ESRRG: variants seen among roughly 807,000 people sequenced by gnomAD.
The protein encoded by ESRRG is estrogen related receptor gamma.
In ESRRG, 13 loss-of-function variants were observed where a neutral mutation model predicts 44.0. That is an observed-to-expected ratio of 0.30 (90% confidence interval 0.19 to 0.47). ESRRG has a LOEUF of 0.47. Among genes scored for constraint, ESRRG ranks in the 20% least tolerant of loss-of-function variants. ESRRG has a pLI of 1.00. For missense variants in ESRRG, 395 were observed against 580.6 expected, an observed-to-expected ratio of 0.68 and a Z score of 3.29; for synonymous variants, 215 against 214.6, an observed-to-expected ratio of 1.00 and a Z score of -0.02.
intron 2 of ESRRG, among the ~76,000 whole-genome samples, chr1:216,774,977 T>C (rs113850665): frequency 0.11 from 16,358 of 151,424 alleles, 1,187 homozygotes; most frequent in Non-Finnish European, 0.16. Context: ...ATTTTTTTTT[T>C]TTTTAATTTT....
At position 216,825,327 on chromosome 1, in the gene ESRRG, A is replaced by G. The variant is rs79148598; in HGVS notation, c.-14+114255T>C. 2.3e-3 allele frequency among the ~76,000 whole-genome samples: 354 copies of G among 152,336 alleles called. 2 individuals carry two copies. The highest frequency in any genetic ancestry group is 8.1e-3 in the African/African-American group (335 of 41,580). On this transcript the variant is annotated intron_variant, in intron 2 of 7. Coordinates refer to the ESRRG transcript ENST00000359162. ...AACTGAGCTCCATCACACATTGGTT[A>G]TACAGCTGAATATTGCTTAAATGTC...
chr1:216,695,066 G>A (rs1392186245), intron 1 of ESRRG, among the ~76,000 whole-genome samples: 3 of 152,066 alleles, frequency 2.0e-5, no homozygotes, highest in African/African-American at 7.2e-5. Flanking sequence ...AACTAAGATG[G>A]TGGAAAAGAG....
At chr1:216,720,479 A>T (rs574097196) in intron 1 of ESRRG, among the ~76,000 whole-genome samples, 2 of 152,134 alleles carry the variant, frequency 1.3e-5, no homozygotes, top group Non-Finnish European at 2.9e-5. Context: ...GTCTGTTCAG[A>T]GTTCTCAAAT....
rs193235517 is a variant in ESRRG, at chr1:216,925,361, C to T, written c.-14+14221G>A. On this transcript the variant is annotated intron_variant, in intron 2 of 7. Transcript: ENST00000359162. ...CTGAGGAAGGAAAATTGCCTGAACC[C>T]GGGAGGCGGAGGTTGCAGTGAGCTG... 3.3e-3 allele frequency among the ~76,000 whole-genome samples: 507 copies of T among 152,132 alleles called. 3 individuals carry two copies. The highest frequency in any genetic ancestry group is 0.012 in the African/African-American group (488 of 41,516).
chr1:216,665,785 T>C (rs1241748083), intron 2 of ESRRG, among the ~76,000 whole-genome samples: 2 of 152,172 alleles, frequency 1.3e-5, no homozygotes, highest in African/African-American at 2.4e-5. Context: ...TACACCAGCA[T>C]CCTGTACCTA....
intron 5 of ESRRG, among the ~76,000 whole-genome samples, chr1:216,521,989 G>A (rs949953087): frequency 5.3e-5 from 8 of 152,034 alleles, no homozygotes; most frequent in African/African-American, 1.4e-4. Context: ...AAGTTGCACC[G>A]GGCCCCCTTT....
At chr1:216,868,194 T>A (rs1267213715) in intron 2 of ESRRG, among the ~76,000 whole-genome samples, 1 of 147,870 alleles carries the variant, frequency 6.8e-6, no homozygotes, top group South Asian at 2.2e-4. Flanking sequence ...TTCAAGCCAT[T>A]CTCCTGTCTC....
chr1:216,717,769 A>G (rs942239259), intron 1 of ESRRG, among the ~76,000 whole-genome samples: 1 of 151,830 alleles, frequency 6.6e-6, no homozygotes, highest in Non-Finnish European at 1.5e-5. Flanking sequence ...TATAATACTT[A>G]TAGTTTTATA....
intron 1 of ESRRG, among the ~76,000 whole-genome samples, chr1:217,131,728 G>A (rs1028428369): frequency 2.6e-4 from 39 of 152,086 alleles, no homozygotes; most frequent in Middle Eastern, 3.2e-3. Flanking sequence ...ATACATAATC[G>A]GAGAATTCTA....
At chr1:216,818,979 G>T (rs1047301241) in intron 2 of ESRRG, among the ~76,000 whole-genome samples, 1 of 152,146 alleles carries the variant, frequency 6.6e-6, no homozygotes, top group African/African-American at 2.4e-5. Context: ...ATTCCATGGT[G>T]TATATATACC....
chr1:216,985,050 G>T (rs762882064), intron 1 of ESRRG, among the ~76,000 whole-genome samples: 1 of 152,140 alleles, frequency 6.6e-6, no homozygotes, highest in Admixed American at 6.5e-5. Flanking sequence ...TCAGAATCAC[G>T]GCTGGGTTTG....
chr1:216,695,565 C>G lies in ESRRG; in HGVS notation c.57-18074G>C, dbSNP rs151143766. On this transcript the variant is annotated intron_variant, in intron 1 of 6. Transcript: ENST00000408911. ...TAGATCATATTTGACTTTGTATCCC[C>G]AGTACTTCATGTTATGCTGAGTTCA... Among the ~76,000 whole-genome samples the G allele has an allele frequency of 2.0e-4, 30 of 152,222 alleles. 1 individual carries two copies. The East Asian group carries it at 5.2e-3, about 26-fold the overall frequency.
At chr1:216,688,337 C>G (rs2078410850) in intron 1 of ESRRG, among the ~76,000 whole-genome samples, 1 of 152,140 alleles carries the variant, frequency 6.6e-6, no homozygotes, top group Non-Finnish European at 1.5e-5. Flanking sequence ...ATCAAGTGCA[C>G]GAACGAGAGA....
At chr1:216,551,588 A>T (rs2056352052) in intron 5 of ESRRG, among the ~76,000 whole-genome samples, 1 of 152,180 alleles carries the variant, frequency 6.6e-6, no homozygotes, top group Non-Finnish European at 1.5e-5. Flanking sequence ...CAGACGTGTT[A>T]AAACCCTCAG....
At chr1:217,078,187 A>G (rs2091475822) in intron 1 of ESRRG, 1 of 152,236 alleles carries the variant, frequency 6.6e-6, no homozygotes, top group Admixed American at 6.5e-5. Flanking sequence ...CAAATGTCTT[A>G]AGGAAGCCTC....
intron 2 of ESRRG, among the ~76,000 whole-genome samples, chr1:216,799,293 C>A (rs2813661): frequency 0.18 from 27,190 of 150,914 alleles, 2,862 homozygotes; most frequent in East Asian, 0.37. Context: ...AGAATTTGGT[C>A]TACTATTTCT....
chr1:216,745,590 T>G (rs1251325086), intron 2 of ESRRG, among the ~76,000 whole-genome samples: 2 of 152,128 alleles, frequency 1.3e-5, no homozygotes, highest in African/African-American at 4.8e-5. Flanking sequence ...AGGCTGAGGT[T>G]CCCCCTGCCC....
chr1:216,525,530 G>A (rs1363471931), intron 5 of ESRRG, among the ~76,000 whole-genome samples: 1 of 151,980 alleles, frequency 6.6e-6, no homozygotes, highest in African/African-American at 2.4e-5. Flanking sequence ...AAGTTAAAGA[G>A]GGAAATCTAA....
intron 1 of ESRRG, among the ~76,000 whole-genome samples, chr1:216,976,741 T>G (rs547094131): frequency 6.6e-6 from 1 of 152,272 alleles, no homozygotes; most frequent in Admixed American, 6.5e-5. Flanking sequence ...GTGGTTTGTG[T>G]TTTGTTTTGT....
Sources: allele counts gnomAD v4.1 joint callset (sites outside exome capture counted in the v4.1 genomes callset), GRCh38; gene constraint gnomAD v4.1.1; transcripts MANE v1.5; gene names NCBI Gene and HGNC (gene_info 2026-07-23, HGNC 2026-07-21).